KCNIP4: variants seen among roughly 807,000 people sequenced by gnomAD.
The protein encoded by KCNIP4 is potassium voltage-gated channel interacting protein 4, also known as Kv channel-interacting protein 4.
Under a neutral mutation model 34.0 loss-of-function variants are expected in KCNIP4, and 12 were observed. The observed-to-expected ratio is 0.35, with a 90% confidence interval of 0.23 to 0.57. The LOEUF (loss-of-function observed/expected upper bound fraction) is 0.57, where lower values mean the gene tolerates loss of function less well. KCNIP4 is among the 20% of genes least tolerant of loss of function. KCNIP4 has a pLI of 0.83. For missense variants in KCNIP4, 238 were observed against 311.7 expected, an observed-to-expected ratio of 0.76 and a Z score of 1.78; for synonymous variants, 124 against 102.2, an observed-to-expected ratio of 1.21 and a Z score of -1.29.
rs1754601693 is a variant in KCNIP4, at chr4:21,178,488, T to C, written c.62-295779A>G. On this transcript the variant is annotated intron_variant, in intron 1 of 8. Transcript: ENST00000382152. ...TAGTGGATTCACAGACCTCAGTTTA[T>C]TTCCAGGTATAGTAACCATGTGTCC... Among the ~76,000 whole-genome samples, 1,065 of 151,332 alleles carry C rather than the reference T, an allele frequency of 7.0e-3. 29 individuals carry two copies. Among genetic ancestry groups the C allele is most frequent in the African/African-American group, 0.024 (969 of 40,662 alleles).
At chr4:20,995,739 A>G (rs899715993) in intron 1 of KCNIP4, among the ~76,000 whole-genome samples, 20 of 152,160 alleles carry the variant, frequency 1.3e-4, no homozygotes, top group African/African-American at 4.3e-4. Flanking sequence ...TCTTTATCTG[A>G]GGACTTTGAC....
At chr4:20,988,020 A>AAAAAAAAAAAAAAAAAAAAAAAAAAAAG (rs1736747840) in intron 1 of KCNIP4, among the ~76,000 whole-genome samples, 1 of 150,282 alleles carries the variant, frequency 6.7e-6, no homozygotes, top group Non-Finnish European at 1.5e-5. Flanking sequence ...AAAAAAAAAA[A>AAAAAAAAAAAAAAAAAAAAAAAAAAAAG]AATTATAGAT....
chr4:21,590,733 C>T (rs1424897448), intron 1 of KCNIP4, among the ~76,000 whole-genome samples: 2 of 151,950 alleles, frequency 1.3e-5, no homozygotes, highest in African/African-American at 4.8e-5. Flanking sequence ...CTTCAATGCA[C>T]AGTACATGTT....
chr4:21,735,977 G>C (rs1459980528), intron 1 of KCNIP4, among the ~76,000 whole-genome samples: 1 of 152,102 alleles, frequency 6.6e-6, no homozygotes, highest in East Asian at 1.9e-4. Flanking sequence ...CATGTGACTT[G>C]GTTTTGCAAA....
At chr4:20,750,004 G>C (rs1341444099) in intron 4 of KCNIP4, among the ~76,000 whole-genome samples, 2 of 152,138 alleles carry the variant, frequency 1.3e-5, no homozygotes, top group African/African-American at 4.8e-5. Flanking sequence ...ATTAACACTG[G>C]GACAAGAAAT....
At chr4:20,833,162 G>A (rs1284759802) in intron 3 of KCNIP4, among the ~76,000 whole-genome samples, 1 of 152,232 alleles carries the variant, frequency 6.6e-6, no homozygotes, top group East Asian at 1.9e-4. Context: ...TATTACATGT[G>A]AAGGCATTTT....
At chr4:21,529,099 A>T (rs1736439018) in intron 1 of KCNIP4, among the ~76,000 whole-genome samples, 1 of 152,114 alleles carries the variant, frequency 6.6e-6, no homozygotes, top group Admixed American at 6.5e-5. Context: ...CTATTTTTGA[A>T]TTAGGAGAAT....
In KCNIP4 at chr4:21,858,764, CAATT is replaced by C. The variant is rs563275473; in HGVS notation, c.61+89803_61+89806del. ...TAAAAATTTTCTCATAAATCAAAAT[CAATT>C]AATTTCCTTTTTAACAGTATTTAGG... On this transcript the variant is annotated intron_variant, in intron 1 of 8. Transcript: ENST00000382152. Among the ~76,000 whole-genome samples, 30 of 152,288 alleles carry C rather than the reference CAATT, an allele frequency of 2.0e-4. No individual in the cohort carries two copies. In the East Asian group the frequency reaches 5.4e-3, roughly 27 times the overall value.
At chr4:21,686,208 G>T (rs1005034989) in intron 1 of KCNIP4, among the ~76,000 whole-genome samples, 2 of 152,260 alleles carry the variant, frequency 1.3e-5, no homozygotes, top group African/African-American at 4.8e-5. Flanking sequence ...TCCCATTGTA[G>T]AGGTAATAAT....
intron 1 of KCNIP4, among the ~76,000 whole-genome samples, chr4:21,671,571 A>G (rs1001781697): frequency 6.6e-6 from 1 of 152,094 alleles, no homozygotes; most frequent in African/African-American, 2.4e-5. Flanking sequence ...TCACATTTCA[A>G]CTGTCATCAG....
intron 1 of KCNIP4, among the ~76,000 whole-genome samples, chr4:21,129,182 A>T (rs1464770378): frequency 6.6e-6 from 1 of 152,172 alleles, no homozygotes; most frequent in Non-Finnish European, 1.5e-5. Flanking sequence ...CTTGCCTACC[A>T]TCATGTAGGA....
At chr4:21,787,552 A>G (rs1719994382) in intron 1 of KCNIP4, among the ~76,000 whole-genome samples, 1 of 152,166 alleles carries the variant, frequency 6.6e-6, no homozygotes, top group Non-Finnish European at 1.5e-5. Context: ...TATTATCCTA[A>G]TTTTACATAT....
At chr4:21,287,271 TATC>T (rs1763176108) in intron 1 of KCNIP4, among the ~76,000 whole-genome samples, 1 of 152,230 alleles carries the variant, frequency 6.6e-6, no homozygotes, top group Admixed American at 6.5e-5. Context: ...ATAAAATAAG[TATC>T]ATTTACATGA....
intron 1 of KCNIP4, among the ~76,000 whole-genome samples, chr4:21,482,123 G>C (rs1731482298): frequency 8.8e-6 from 1 of 114,036 alleles, no homozygotes; most frequent in Non-Finnish European, 1.8e-5. Context: ...TCAGAGACTA[G>C]GATTGCAACC....
chr4:21,771,261 T>G (rs1315348577), intron 1 of KCNIP4, among the ~76,000 whole-genome samples: 3 of 152,192 alleles, frequency 2.0e-5, no homozygotes, highest in South Asian at 4.2e-4. Flanking sequence ...AGATGTGTGG[T>G]GTTATTTCTG....
At chr4:21,504,951 A>C (rs1050660100) in intron 1 of KCNIP4, among the ~76,000 whole-genome samples, 2 of 152,320 alleles carry the variant, frequency 1.3e-5, no homozygotes, top group African/African-American at 2.4e-5. Context: ...GTAGCCAATA[A>C]AAGTTTATTA....
At chr4:21,275,712 C>T (rs536769694) in intron 1 of KCNIP4, among the ~76,000 whole-genome samples, 2 of 152,186 alleles carry the variant, frequency 1.3e-5, no homozygotes, top group Admixed American at 1.3e-4. Flanking sequence ...TTTCACCATT[C>T]CCCTTGTCCT....
At position 20,728,992 on chromosome 4, in the gene KCNIP4, C is replaced by G. The variant is rs1335010488; in HGVS notation, c.*1090G>C. On this transcript the variant is annotated 3_prime_UTR_variant, in exon 9 of 9. Transcript: ENST00000382152. Reference sequence around the variant, plus strand: ...GGATTAGTTGTTGAGCACTTATTTTCTACTAAATCTTGGTAGTAGTTGTCA... The same window carrying G: ...GGATTAGTTGTTGAGCACTTATTTTGTACTAAATCTTGGTAGTAGTTGTCA... The G allele has an allele frequency of 6.6e-6, 1 of 152,206 alleles. No homozygotes were observed. The highest frequency in any genetic ancestry group is 1.9e-4 in the East Asian group (1 of 5,180). 9.4% of individuals were successfully genotyped at this position (152,206 alleles called of 1,614,324 possible).
intron 1 of KCNIP4, among the ~76,000 whole-genome samples, chr4:20,995,945 G>T (rs1170387767): frequency 6.6e-6 from 1 of 152,200 alleles, no homozygotes; most frequent in African/African-American, 2.4e-5. Flanking sequence ...TGCGTTTAAA[G>T]TGTGGTAGGA....
Sources: gnomAD v4.1 joint callset for allele counts (sites outside exome capture counted in the v4.1 genomes callset) on GRCh38, gnomAD v4.1.1 for gene constraint, MANE v1.5 for transcripts, NCBI Gene and HGNC (gene_info 2026-07-23, HGNC 2026-07-21) for gene names.